Variants in NBPF9 observed in about 807,000 individuals in gnomAD.
NBPF9 encodes the protein NBPF member 9.
Under a neutral mutation model 97.8 loss-of-function variants are expected in NBPF9, and 91 were observed. The observed-to-expected ratio is 0.93, with a 90% confidence interval of 0.79 to 1.11. The LOEUF is 1.11. Among genes scored for constraint, NBPF9 ranks in the 50% least tolerant of loss-of-function variants. NBPF9 has a pLI of 0.00. For missense variants in NBPF9, 992 were observed against 939.5 expected (o/e 1.06, Z -0.73); for synonymous variants, 334 against 359.5 (o/e 0.93, Z 0.80).
chr1:149,070,870 G>T, intron 16 of NBPF9, 64 bp downstream of exon 16: 1 of 1,311,738 alleles, frequency 7.6e-7, no homozygotes, highest in South Asian at 1.2e-5. Flanking sequence ...TATAGAGCCT[G>T]TCTTCAGAGT....
intron 5 of NBPF9, among the ~76,000 whole-genome samples, chr1:149,087,827 CCTTT>C (rs2081136289): frequency 7.6e-6 from 1 of 131,952 alleles, no homozygotes; most frequent in Non-Finnish European, 1.6e-5. Context: ...TGTTGACTTT[CCTTT>C]TTTTTTTTTT....
downstream of NBPF9, among the ~76,000 whole-genome samples, chr1:149,053,823 A>C (rs2078040981): frequency 1.4e-5 from 2 of 147,844 alleles, no homozygotes; most frequent in Admixed American, 1.3e-4. Flanking sequence ...AAACCATCAA[A>C]AACATTTTTA....
chr1:149,075,159 TAGG>T (rs2079749815), intron 12 of NBPF9, among the ~76,000 whole-genome samples: 1 of 151,716 alleles, frequency 6.6e-6, no homozygotes, highest in African/African-American at 2.4e-5. Flanking sequence ...CAGGTTCTAT[TAGG>T]AGTAGACTCC....
At chr1:149,095,704 A>G in intron 4 of NBPF9, among the ~76,000 whole-genome samples, 1 of 151,966 alleles carries the variant, frequency 6.6e-6, no homozygotes, top group East Asian at 1.9e-4. Flanking sequence ...TATGAGAAAG[A>G]TGTTCAAAAT....
rs1479407213 is a variant in NBPF9 at position 149,059,981 on chromosome 1, T to G, written c.2477-173A>C. ...CTGGTTATGATAGAAATTCCTCAGT[T>G]TTTCTCCCAGAAACTGTGGGTAAAA... On this transcript the variant is annotated intron_variant, in intron 24 of 29. Coordinates refer to ENST00000584027, the Ensembl canonical transcript of NBPF9. 1.2e-5 allele frequency: 5 copies of G among 408,808 alleles called. 1 individual carries two copies. The highest frequency in any genetic ancestry group is 1.1e-4 in the East Asian group (4 of 35,186). The allele number at this position is 408,808 out of a possible 1,614,324, so 25.3% of individuals were successfully genotyped here.
chr1:149,059,759 C>A lies in NBPF9; in HGVS notation c.2526G>T (p.Lys842Asn). 2 of 577,644 alleles carry A rather than the reference C, an allele frequency of 3.5e-6. 1 individual carries two copies. Among genetic ancestry groups the A allele is most frequent in the South Asian group, 3.9e-5 (2 of 51,900 alleles). 35.8% of individuals were successfully genotyped at this position (577,644 alleles called of 1,614,324 possible). A position where few individuals can be genotyped will look rare whatever the true frequency, so the allele number is the denominator to read the frequency against. The change falls in exon 25 of 30, where the codon AAG (lysine) becomes AAT (asparagine). Residue 842 changes from lysine (K) to asparagine (N), a missense_variant. Around this residue, in one of 11 missense-constraint regions of NBPF9, gnomAD observed 397 missense variants for 213.6 expected, o/e 1.86. Coordinates refer to ENST00000584027, the Ensembl canonical transcript of NBPF9. ...CTTTTCTTCCCCTTCTTCTTTTCTT[C>A]TTTGATCTTCTTCCCCTTCTTTTCT...
intron 13 of NBPF9, among the ~76,000 whole-genome samples, chr1:149,073,222 A>C (rs1201843334): frequency 6.8e-6 from 1 of 148,030 alleles, no homozygotes; most frequent in African/African-American, 2.5e-5. Flanking sequence ...ACATCCTTTC[A>C]GTTCCTCACT....
At chr1:149,055,837 C>G (rs1254814650) in exon 30 of NBPF9, 1 of 1,605,728 alleles carries the variant, frequency 6.2e-7, no homozygotes, top group Non-Finnish European at 8.5e-7. Context: ...AGTAGAATAA[C>G]ATCCATCCAG....
intron 8 of NBPF9, among the ~76,000 whole-genome samples, chr1:149,079,766 G>C (rs2080245532): frequency 6.6e-6 from 1 of 151,822 alleles, no homozygotes; most frequent in Non-Finnish European, 1.5e-5. Context: ...TGAGTATACT[G>C]AATGCTGCTA....
chr1:149,075,794 C>G (rs1199457487), exon 12 of NBPF9: 2 of 1,586,318 alleles, frequency 1.3e-6, no homozygotes, highest in African/African-American at 2.7e-5. Context: ...TCATCTCTGC[C>G]TTCTCGCTGG....
chr1:149,075,283 G>A (rs1447340459), intron 12 of NBPF9, among the ~76,000 whole-genome samples: 1 of 152,148 alleles, frequency 6.6e-6, no homozygotes, highest in Non-Finnish European at 1.5e-5. Context: ...CTGAATAAAA[G>A]TTCACTAGTC....
chr1:149,081,186 C>T (rs2080404965), intron 7 of NBPF9, among the ~76,000 whole-genome samples: 1 of 152,082 alleles, frequency 6.6e-6, no homozygotes. Context: ...ATAGTGCAAT[C>T]TTGGCTCACT....
chr1:149,102,498 GAAC>G (rs1482473146), intron 2 of NBPF9, among the ~76,000 whole-genome samples: 1 of 151,798 alleles, frequency 6.6e-6, no homozygotes, highest in Non-Finnish European at 1.5e-5. Context: ...AAGAAAGGAT[GAAC>G]AACACTGTAA....
In NBPF9 at chr1:149,061,077, C is replaced by T. The variant is rs1352452830; in HGVS notation, c.2303+255G>A. On this transcript the variant is annotated intron_variant, in intron 23 of 29. Transcript: ENST00000584027. ...TCAATAATTTTCCATAAAATGTGCT[C>T]AAATTTCCATGCAGTCGCCATGAGA... 241 of 426,292 alleles carry T rather than the reference C, an allele frequency of 5.7e-4. 79 individuals carry two copies. Among genetic ancestry groups the T allele is most frequent in the Non-Finnish European group, 9.6e-4 (220 of 229,876 alleles). 26.4% of individuals were successfully genotyped at this position (426,292 alleles called of 1,614,324 possible).
intron 12 of NBPF9, 139 bp from the exon 13 acceptor site, chr1:149,074,009 T>A (rs1418353567): frequency 3.4e-6 from 2 of 595,492 alleles, no homozygotes; most frequent in African/African-American, 3.7e-5. Flanking sequence ...TTTCCACATC[T>A]TTACTCTTCA....
chr1:149,072,674 A>T, intron 14 of NBPF9, 44 bp downstream of exon 14: 3 of 1,603,500 alleles, frequency 1.9e-6, no homozygotes, highest in Non-Finnish European at 2.6e-6. Context: ...GGAGCCTCTC[A>T]TAAGCCTGGG....
intron 8 of NBPF9, 84 bp downstream of exon 8, chr1:149,079,969 C>G (rs1295136088): frequency 8.5e-7 from 1 of 1,171,092 alleles, no homozygotes; most frequent in Non-Finnish European, 1.3e-6. Flanking sequence ...GGCCCAGCTT[C>G]GTTCTTATTT....
intron 24 of NBPF9, 140 bp from the exon 25 acceptor site, chr1:149,059,948 C>G: frequency 2.4e-6 from 1 of 423,692 alleles, no homozygotes; most frequent in Non-Finnish European, 4.3e-6. Flanking sequence ...TTTCAGGAGG[C>G]CTGAAGGCTG....
intron 14 of NBPF9, among the ~76,000 whole-genome samples, 151 bp downstream of exon 14, chr1:149,072,567 G>A (rs1244166690): frequency 3.3e-5 from 5 of 152,048 alleles, no homozygotes; most frequent in Admixed American, 6.6e-5. Flanking sequence ...TCCCATCTCC[G>A]TTCTTACCCA....
Sources: allele counts gnomAD v4.1 joint callset (sites outside exome capture counted in the v4.1 genomes callset), GRCh38; gene constraint gnomAD v4.1.1; regional missense constraint gnomAD v4.1.1; transcripts MANE v1.5; gene names NCBI Gene and HGNC (gene_info 2026-07-23, HGNC 2026-07-21).